The following PTPN2 variants were observed in gnomAD, a reference collection of about 807,000 sequenced individuals.
PTPN2 encodes the protein protein tyrosine phosphatase non-receptor type 2, also known as tyrosine-protein phosphatase non-receptor type 2.
A neutral mutation model predicts 57.3 loss-of-function variants in PTPN2; 19 were observed. That is an observed-to-expected ratio of 0.33 (90% CI 0.23 to 0.49). The LOEUF is 0.49. Ranked by LOEUF, PTPN2 falls within the 20% of genes least tolerant of loss-of-function variation. The pLI is 0.99. For missense variants in PTPN2, 358 were observed against 501.1 expected, an observed-to-expected ratio of 0.71 and a Z score of 2.73; for synonymous variants, 153 against 164.9, an observed-to-expected ratio of 0.93 and a Z score of 0.55.
Position 12,884,200 on chromosome 18 carries a change from G to A in PTPN2, c.-59C>T. 4 of 1,406,720 alleles carry A rather than the reference G, an allele frequency of 2.8e-6. No individual in the cohort carries two copies. The highest frequency in any genetic ancestry group is 1.3e-5 in the South Asian group (1 of 77,922). The allele number at this position is 1,406,720 out of a possible 1,614,324, so 87.1% of individuals were successfully genotyped here. ...GCGCCGGCGGAGAGGCTCAGGCCCCGCACGATCCGGGGAGAGCGCTGGCGC... is the reference window on the plus strand; with the variant it reads ...GCGCCGGCGGAGAGGCTCAGGCCCCACACGATCCGGGGAGAGCGCTGGCGC... On this transcript the variant is annotated 5_prime_UTR_variant, in exon 1 of 9. Transcript: ENST00000309660.
chr18:12,840,885 T>G (rs1389062949), intron 2 of PTPN2: 3 of 1,564,032 alleles, frequency 1.9e-6, no homozygotes, highest in Admixed American at 1.9e-5. Context: ...GCCGATGCAG[T>G]CCATGACATA....
In PTPN2 at chr18:12,884,201, C is replaced by T; in HGVS notation, c.-60G>A. ...CGCCGGCGGAGAGGCTCAGGCCCCG[C>T]ACGATCCGGGGAGAGCGCTGGCGCT... On this transcript the variant is annotated 5_prime_UTR_variant, in exon 1 of 9. Transcript: ENST00000309660. 1 of 1,412,616 alleles carries T rather than the reference C, an allele frequency of 7.1e-7. No homozygotes were observed. The highest frequency in any genetic ancestry group is 9.6e-7 in the Non-Finnish European group (1 of 1,046,844). The allele number at this position is 1,412,616 out of a possible 1,614,324, so 87.5% of individuals were successfully genotyped here. A position where few individuals can be genotyped will look rare whatever the true frequency, so the allele number is the denominator to read the frequency against.
chr18:12,819,224 C>G (rs1050145938), intron 5 of PTPN2: 9 of 1,427,180 alleles, frequency 6.3e-6, no homozygotes, highest in Admixed American at 2.4e-5. Context: ...TTTTAGTGAC[C>G]TTTTAACATC....
chr18:12,815,089 TA>T (rs1387902599), intron 6 of PTPN2, among the ~76,000 whole-genome samples: 5 of 24,680 alleles, frequency 2.0e-4, no homozygotes, highest in African/African-American at 6.2e-4. Flanking sequence ...ATCTCAAAAA[TA>T]AATAAATAAA....
Position 12,825,795 on chromosome 18 carries a change from C to G in PTPN2, c.495+15G>C, listed in dbSNP as rs1286119834. 1 of 1,592,942 alleles carries G rather than the reference C, an allele frequency of 6.3e-7. No individual in the cohort carries two copies. The highest frequency in any genetic ancestry group is 1.1e-5 in the South Asian group (1 of 87,198). ...ATCATATAAAGTCCACAATTTCGGGCAAGAAAGGTCTTACATTGATATTTT... is the reference window on the plus strand; with the variant it reads ...ATCATATAAAGTCCACAATTTCGGGGAAGAAAGGTCTTACATTGATATTTT... On this transcript the variant is annotated intron_variant, in intron 5 of 8. Transcript: ENST00000309660.
intron 3 of PTPN2, among the ~76,000 whole-genome samples, chr18:12,832,550 C>G (rs2042707311): frequency 6.6e-6 from 1 of 152,156 alleles, no homozygotes; most frequent in African/African-American, 2.4e-5. Flanking sequence ...CAAACTACAA[C>G]CTAATATTTG....
chr18:12,842,416 C>T (rs990373409), intron 2 of PTPN2, among the ~76,000 whole-genome samples: 8 of 152,034 alleles, frequency 5.3e-5, no homozygotes, highest in African/African-American at 1.9e-4. Flanking sequence ...GTAATAAATG[C>T]TAAGAAAAAA....
chr18:12,883,943 GCGC>G, intron 1 of PTPN2, 127 bp downstream of exon 1: 1 of 681,934 alleles, frequency 1.5e-6, no homozygotes. Context: ...GACGCGGACC[GCGC>G]CGCCACTTCC....
At chr18:12,787,681 G>A (rs1727710655), downstream of PTPN2, 1 of 152,164 alleles carries the variant, frequency 6.6e-6, no homozygotes, top group Non-Finnish European at 1.5e-5. Flanking sequence ...TTGTTTTAAA[G>A]ACTTTACTTG....
chr18:12,833,653 A>C (rs1007060085), intron 3 of PTPN2, among the ~76,000 whole-genome samples: 2 of 152,172 alleles, frequency 1.3e-5, no homozygotes, highest in African/African-American at 4.8e-5. Flanking sequence ...GTGAGGTAGA[A>C]GTGGAGGGAT....
At chr18:12,814,500 T>C (rs2041999856) in intron 6 of PTPN2, 145 bp from the exon 7 acceptor site, 5 of 662,596 alleles carry the variant, frequency 7.5e-6, no homozygotes, top group Admixed American at 6.8e-5. Flanking sequence ...ATAACTGTTA[T>C]GTACACAACA....
At chr18:12,873,772 C>T (rs2044361549) in intron 1 of PTPN2, among the ~76,000 whole-genome samples, 1 of 152,172 alleles carries the variant, frequency 6.6e-6, no homozygotes, top group Non-Finnish European at 1.5e-5. Flanking sequence ...TTAGGAGCCC[C>T]TCTGCCTGGC....
intron 2 of PTPN2, among the ~76,000 whole-genome samples, chr18:12,852,738 C>A (rs376847050): frequency 1.3e-5 from 2 of 152,168 alleles, no homozygotes; most frequent in South Asian, 2.1e-4. Flanking sequence ...ATTCAGAACT[C>A]CAAATGTAGT....
At chr18:12,791,867 C>T (rs2040992613), downstream of PTPN2, among the ~76,000 whole-genome samples, 1 of 152,170 alleles carries the variant, frequency 6.6e-6, no homozygotes, top group Non-Finnish European at 1.5e-5. Context: ...GCACTGGCTT[C>T]CTCAAGTCTT....
At chr18:12,856,987 G>A (rs141939123) in intron 2 of PTPN2, among the ~76,000 whole-genome samples, 5,387 of 150,176 alleles carry the variant, frequency 0.036, 326 homozygotes, top group African/African-American at 0.13. Context: ...TTGAATCCAG[G>A]AGGCAGGGGT....
intron 2 of PTPN2, among the ~76,000 whole-genome samples, chr18:12,850,181 T>G (rs2043346976): frequency 6.6e-6 from 1 of 152,172 alleles, no homozygotes; most frequent in Non-Finnish European, 1.5e-5. Flanking sequence ...GACAGCACAT[T>G]AATTTTAACT....
intron 5 of PTPN2, among the ~76,000 whole-genome samples, chr18:12,818,476 C>T (rs2042154051): frequency 6.6e-6 from 1 of 152,158 alleles, no homozygotes; most frequent in African/African-American, 2.4e-5. Flanking sequence ...TATTCACTAT[C>T]GCTTCCTGGA....
chr18:12,814,500 T>G, intron 6 of PTPN2, 145 bp from the exon 7 acceptor site: 1 of 662,714 alleles, frequency 1.5e-6, no homozygotes, highest in Non-Finnish European at 2.5e-6. Context: ...ATAACTGTTA[T>G]GTACACAACA....
chr18:12,805,356 C>G (rs1240704369), intron 7 of PTPN2, among the ~76,000 whole-genome samples: 6 of 151,644 alleles, frequency 4.0e-5, no homozygotes, highest in Non-Finnish European at 8.8e-5. Context: ...ACTCAGGTGG[C>G]TGAGGCATGA....
Sources: gnomAD v4.1 joint callset for allele counts (sites outside exome capture counted in the v4.1 genomes callset) on GRCh38, gnomAD v4.1.1 for gene constraint, MANE v1.5 for transcripts, NCBI Gene and HGNC (gene_info 2026-07-23, HGNC 2026-07-21) for gene names.